DGKB: variants seen among roughly 807,000 people sequenced by gnomAD.
DGKB encodes the protein 90 kDa diacylglycerol kinase.
A neutral mutation model predicts 114.3 loss-of-function variants in DGKB; 67 were observed. That is an observed-to-expected ratio of 0.59 (90% CI 0.48 to 0.72). The LOEUF (loss-of-function observed/expected upper bound fraction) is 0.72. Among genes scored for constraint, DGKB ranks in the 30% least tolerant of loss-of-function variants. The pLI is 0.00. For synonymous variants in DGKB, 398 were observed against 323.1 expected, an observed-to-expected ratio of 1.23 and a Z score of -2.49; for missense variants, 907 against 975.2, an observed-to-expected ratio of 0.93 and a Z score of 0.93.
At chr7:14,149,323 A>G (rs1781839655) in intron 25 of DGKB, 85 bp from the exon 26 acceptor site, 1 of 953,342 alleles carries the variant, frequency 1.0e-6, no homozygotes, top group African/African-American at 1.7e-5. Context: ...CTCTCTGTTA[A>G]GGTTAATAAT....
chr7:14,485,182 T>C (rs758212113), intron 20 of DGKB, among the ~76,000 whole-genome samples: 1 of 147,168 alleles, frequency 6.8e-6, no homozygotes, highest in African/African-American at 2.5e-5. Flanking sequence ...ATTTAGGGAG[T>C]TGATGTTACA....
At chr7:14,626,798 A>G (rs1808680224) in intron 14 of DGKB, among the ~76,000 whole-genome samples, 1 of 152,202 alleles carries the variant, frequency 6.6e-6, no homozygotes, top group Non-Finnish European at 1.5e-5. Context: ...GATAAATATA[A>G]TAAACGATAT....
intron 23 of DGKB, among the ~76,000 whole-genome samples, chr7:14,265,498 T>G (rs1358755539): frequency 6.6e-6 from 1 of 152,002 alleles, no homozygotes; most frequent in African/African-American, 2.4e-5. Flanking sequence ...CTACATCCCT[T>G]CCTTGGCCAG....
At chr7:14,750,196 C>T (rs962816843) in intron 4 of DGKB, 10 of 515,214 alleles carry the variant, frequency 1.9e-5, no homozygotes, top group Non-Finnish European at 3.5e-5. Flanking sequence ...CTTCAATGCA[C>T]ATTATGTTAT....
At chr7:14,816,109 T>C (rs1844109151) in intron 2 of DGKB, among the ~76,000 whole-genome samples, 1 of 152,138 alleles carries the variant, frequency 6.6e-6, no homozygotes, top group Non-Finnish European at 1.5e-5. Flanking sequence ...GGCGGGCAGA[T>C]CACTTGAGGT....
intron 21 of DGKB, among the ~76,000 whole-genome samples, chr7:14,389,137 G>T (rs542367699): frequency 6.6e-6 from 1 of 152,284 alleles, no homozygotes; most frequent in Admixed American, 6.5e-5. Context: ...GACTAATATG[G>T]CAGCATTTCG....
chr7:14,234,369 G>A (rs1005162302), intron 23 of DGKB, among the ~76,000 whole-genome samples: 5 of 151,968 alleles, frequency 3.3e-5, no homozygotes, highest in Non-Finnish European at 5.9e-5. Context: ...CATATACTAC[G>A]TGTATATTTA....
intron 20 of DGKB, among the ~76,000 whole-genome samples, chr7:14,512,044 G>A (rs916510591): frequency 4.9e-5 from 7 of 141,540 alleles, no homozygotes; most frequent in Non-Finnish European, 1.1e-4. Flanking sequence ...TTGAAATATT[G>A]CAAGAATTAC....
intron 6 of DGKB, among the ~76,000 whole-genome samples, chr7:14,707,115 T>C (rs1387745588): frequency 1.3e-4 from 17 of 128,150 alleles, no homozygotes; most frequent in East Asian, 3.0e-4. Context: ...ATAGACGCAA[T>C]AAAAAATGAT....
chr7:14,749,646 A>G (rs1833839783), intron 4 of DGKB, among the ~76,000 whole-genome samples: 1 of 152,090 alleles, frequency 6.6e-6, no homozygotes, highest in African/African-American at 2.4e-5. Flanking sequence ...GCTGAAATCT[A>G]TTTTAATCTG....
intron 13 of DGKB, among the ~76,000 whole-genome samples, chr7:14,640,242 G>A (rs1017643556): frequency 6.6e-6 from 1 of 152,122 alleles, no homozygotes; most frequent in African/African-American, 2.4e-5. Flanking sequence ...TTAAAGATCT[G>A]TGACAAATGC....
At chr7:14,948,805 T>C (rs1786018010) in intron 1 of DGKB, among the ~76,000 whole-genome samples, 1 of 151,726 alleles carries the variant, frequency 6.6e-6, no homozygotes, top group South Asian at 2.1e-4. Context: ...AATATCAGAC[T>C]TCTCAACAGC....
intron 21 of DGKB, among the ~76,000 whole-genome samples, chr7:14,416,743 A>T (rs1317098816): frequency 6.6e-6 from 1 of 152,090 alleles, no homozygotes; most frequent in African/African-American, 2.4e-5. Flanking sequence ...CTTTTTCTTT[A>T]TAAATTACCA....
intron 20 of DGKB, among the ~76,000 whole-genome samples, chr7:14,503,010 CTCTT>C (rs1200894579): frequency 6.6e-6 from 1 of 152,096 alleles, no homozygotes; most frequent in African/African-American, 2.4e-5. Flanking sequence ...AGAGGACTAG[CTCTT>C]TCTTTGACTT....
At chr7:14,764,589 G>C (rs17168405) in intron 2 of DGKB, among the ~76,000 whole-genome samples, 57,779 of 151,662 alleles carry the variant, frequency 0.38, 16,028 homozygotes, top group African/African-American at 0.77. Flanking sequence ...TTTAAAAAAG[G>C]CTCTCAGTTG....
intron 20 of DGKB, among the ~76,000 whole-genome samples, chr7:14,485,094 CACCACA>C (rs1478810815): frequency 6.4e-4 from 48 of 75,342 alleles, no homozygotes; most frequent in Non-Finnish European, 8.9e-4. Flanking sequence ...GACACACACA[CACCACA>C]CACACACACA....
At position 14,509,794 on chromosome 7, in the gene DGKB, C is replaced by A. The variant is rs978978522; in HGVS notation, c.1771-31569G>T. 1.3e-5 allele frequency among the ~76,000 whole-genome samples: 2 copies of A among 152,326 alleles called. 1 individual carries two copies. The highest frequency in any genetic ancestry group is 3.9e-4 in the East Asian group (2 of 5,164). ...CTTTGTCTCCGCCAGACTCGGGGTA[C>A]CTGCTGGGTGGTGTGGGGCTGGTTT... On this transcript the variant is annotated intron_variant, in intron 20 of 25. Transcript: ENST00000402815.
intron 1 of DGKB, among the ~76,000 whole-genome samples, chr7:14,934,431 G>A (rs1034706986): frequency 6.6e-6 from 1 of 152,260 alleles, no homozygotes; most frequent in East Asian, 1.9e-4. Flanking sequence ...TTCTGTGAGT[G>A]CTGGAGTACT....
chr7:14,356,890 T>A (rs1814655427), intron 21 of DGKB, among the ~76,000 whole-genome samples: 1 of 152,212 alleles, frequency 6.6e-6, no homozygotes, highest in African/African-American at 2.4e-5. Context: ...TTGTTCAGTT[T>A]CCCTGTAGTT....
Sources: allele counts gnomAD v4.1 joint callset (sites outside exome capture counted in the v4.1 genomes callset), GRCh38; gene constraint gnomAD v4.1.1; transcripts MANE v1.5; gene names NCBI Gene and HGNC (gene_info 2026-07-23, HGNC 2026-07-21).